JMJD1C: variants seen among roughly 807,000 people sequenced by gnomAD.
JMJD1C encodes the protein jumonji domain-containing protein 1C.
A neutral mutation model predicts 245.3 loss-of-function variants in JMJD1C; 31 were observed. The ratio of observed to expected loss-of-function variants is 0.13; its 90% CI spans 0.09 to 0.17. The LOEUF is 0.17. JMJD1C is among the 10% of genes least tolerant of loss of function. JMJD1C has a pLI of 1.00. For synonymous variants in JMJD1C, 1,057 were observed against 1,017.4 expected (o/e 1.04, Z -0.74); for missense variants, 2,691 against 3,000.2 (o/e 0.90, Z 2.41).
At chr10:63,217,552 ATACT>A (rs1344695278) in intron 4 of JMJD1C, among the ~76,000 whole-genome samples, 1 of 152,178 alleles carries the variant, frequency 6.6e-6, no homozygotes, top group Non-Finnish European at 1.5e-5. Flanking sequence ...TAGAAATAAA[ATACT>A]TTAAGAGAGA....
intron 1 of JMJD1C, among the ~76,000 whole-genome samples, chr10:63,435,943 C>T (rs1951037461): frequency 1.3e-5 from 2 of 152,072 alleles, no homozygotes; most frequent in South Asian, 2.1e-4. Flanking sequence ...CTTGAGTACC[C>T]TCTCTAAATA....
In JMJD1C at chr10:63,241,552, A is replaced by C. The variant is rs74137704; in HGVS notation, c.448-21569T>G. Among the ~76,000 whole-genome samples, 1,361 of 152,304 alleles carry C rather than the reference A, an allele frequency of 8.9e-3. 18 individuals carry two copies. The highest frequency in any genetic ancestry group is 0.03 in the African/African-American group (1,254 of 41,548). ...TCAGAATAAAAAATAAAGTCTTTAT[A>C]ATAGCCTAAAAAGCCCAATTTAATT... is the stretch of plus-strand genomic sequence containing the variant. On this transcript the variant is annotated intron_variant, in intron 3 of 25. Coordinates refer to ENST00000399262, the MANE Select transcript of JMJD1C (RefSeq NM_032776.3).
At chr10:63,297,187 A>G (rs1281154404) in intron 2 of JMJD1C, among the ~76,000 whole-genome samples, 1 of 152,210 alleles carries the variant, frequency 6.6e-6, no homozygotes, top group Non-Finnish European at 1.5e-5. Flanking sequence ...CAAGCCAGGG[A>G]TGGCCTGAAG....
At chr10:63,290,517 C>T (rs1359103931) in intron 2 of JMJD1C, among the ~76,000 whole-genome samples, 1 of 152,078 alleles carries the variant, frequency 6.6e-6, no homozygotes, top group Non-Finnish European at 1.5e-5. Context: ...GCCAAGATCG[C>T]ACCACTGCAC....
At chr10:63,222,208 C>A in intron 3 of JMJD1C, 1 of 762,170 alleles carries the variant, frequency 1.3e-6, no homozygotes, top group South Asian at 1.3e-5. Context: ...ACACCATGTT[C>A]AGAGGAATTT....
At chr10:63,391,768 A>AT (rs1352148897) in intron 1 of JMJD1C, among the ~76,000 whole-genome samples, 1 of 152,150 alleles carries the variant, frequency 6.6e-6, no homozygotes, top group African/African-American at 2.4e-5. Flanking sequence ...TACCAACATC[A>AT]TTTTTCACAG....
intron 1 of JMJD1C, among the ~76,000 whole-genome samples, chr10:63,448,111 C>G (rs1375009133): frequency 2.6e-5 from 4 of 152,112 alleles, no homozygotes; most frequent in African/African-American, 9.7e-5. Flanking sequence ...TTGTGCATTA[C>G]TGAATTTAGT....
At chr10:63,316,291 T>C (rs1288447145) in intron 2 of JMJD1C, among the ~76,000 whole-genome samples, 1 of 152,258 alleles carries the variant, frequency 6.6e-6, no homozygotes, top group Non-Finnish European at 1.5e-5. Flanking sequence ...TTTTCATATC[T>C]GTTTTTCCGA....
intron 3 of JMJD1C, among the ~76,000 whole-genome samples, chr10:63,257,254 GGAAAAA>G (rs1359313930): frequency 3.3e-5 from 5 of 150,394 alleles, no homozygotes; most frequent in Non-Finnish European, 7.4e-5. Flanking sequence ...AGAAAGAAAA[GGAAAAA>G]GAAAAAGAGA....
chr10:63,186,435 T>TTGTA (rs747101992), intron 18 of JMJD1C, 52 bp from the exon 19 acceptor site: 54 of 1,258,726 alleles, frequency 4.3e-5, no homozygotes, highest in Non-Finnish European at 5.2e-5. Flanking sequence ...ACTTTCTTTT[T>TTGTA]TGTTTGTTTG....
At chr10:63,416,009 T>C (rs1411956648) in intron 1 of JMJD1C, among the ~76,000 whole-genome samples, 2 of 152,168 alleles carry the variant, frequency 1.3e-5, no homozygotes, top group Non-Finnish European at 2.9e-5. Context: ...AAAGAAATAC[T>C]GTCCTTCAGA....
chr10:63,354,838 G>C (rs187286108), intron 2 of JMJD1C, among the ~76,000 whole-genome samples: 1 of 136,570 alleles, frequency 7.3e-6, no homozygotes, highest in Non-Finnish European at 1.5e-5. Flanking sequence ...AACATGGTGA[G>C]ATCCCATATC....
intron 4 of JMJD1C, among the ~76,000 whole-genome samples, chr10:63,218,831 G>C (rs1348618817): frequency 6.6e-6 from 1 of 152,124 alleles, no homozygotes; most frequent in East Asian, 1.9e-4. Flanking sequence ...TGAATCCCTT[G>C]ATTTTTAAAA....
intron 2 of JMJD1C, among the ~76,000 whole-genome samples, chr10:63,349,009 G>A (rs1223505658): frequency 7.2e-6 from 1 of 139,836 alleles, no homozygotes; most frequent in Non-Finnish European, 1.5e-5. Flanking sequence ...GCAGAGGCAG[G>A]AGAATCACTT....
At chr10:63,450,897 C>T (rs535631041) in intron 1 of JMJD1C, among the ~76,000 whole-genome samples, 35 of 143,580 alleles carry the variant, frequency 2.4e-4, no homozygotes, top group Non-Finnish European at 4.9e-4. Context: ...ATGTACAAAA[C>T]CCTAACAATT....
intron 24 of JMJD1C, among the ~76,000 whole-genome samples, chr10:63,174,808 T>C (rs1368808318): frequency 6.6e-6 from 1 of 151,290 alleles, no homozygotes; most frequent in Non-Finnish European, 1.5e-5. Flanking sequence ...AGCTCTAGCC[T>C]GGGCAACAAG....
chr10:63,465,009 C>A (rs1373001834), intron 1 of JMJD1C, among the ~76,000 whole-genome samples: 1 of 152,234 alleles, frequency 6.6e-6, no homozygotes, highest in Non-Finnish European at 1.5e-5. Flanking sequence ...GGTCTCTTTT[C>A]TTTTCTCCCT....
chr10:63,180,038 C>T (rs1051138870), intron 22 of JMJD1C, among the ~76,000 whole-genome samples: 5 of 152,128 alleles, frequency 3.3e-5, no homozygotes, highest in Admixed American at 6.5e-5. Context: ...CTCACTCTGT[C>T]GCCCAGGCTG....
chr10:63,220,069 C>A, intron 3 of JMJD1C, 86 bp from the exon 4 acceptor site: 1 of 921,004 alleles, frequency 1.1e-6, no homozygotes, highest in South Asian at 1.9e-5. Flanking sequence ...GTTCTAAGGA[C>A]TGAATAAAAT....
Sources: gnomAD v4.1 joint callset for allele counts (sites outside exome capture counted in the v4.1 genomes callset) on GRCh38, gnomAD v4.1.1 for gene constraint, MANE v1.5 for transcripts, NCBI Gene and HGNC (gene_info 2026-07-23, HGNC 2026-07-21) for gene names.